ADGRV1: variants seen among roughly 807,000 people sequenced by gnomAD.
ADGRV1 encodes the protein adhesion G protein-coupled receptor V1.
ADGRV1 carries 359 observed loss-of-function variants against 596.2 expected under a neutral mutation model. That is an observed-to-expected ratio of 0.60 (90% CI 0.55 to 0.66). The LOEUF (loss-of-function observed/expected upper bound fraction) is 0.66. Among genes scored for constraint, ADGRV1 ranks in the 30% least tolerant of loss-of-function variants. The pLI, the probability that ADGRV1 is intolerant of heterozygous loss-of-function variation, is 0.00. For synonymous variants in ADGRV1, 2,681 were observed against 2,679.2 expected (o/e 1.00, Z -0.02); for missense variants, 7,274 against 7,575.6 (o/e 0.96, Z 1.48).
chr5:91,025,269 T>C (rs893252199), intron 85 of ADGRV1, among the ~76,000 whole-genome samples: 2 of 151,992 alleles, frequency 1.3e-5, no homozygotes, highest in African/African-American at 4.8e-5. Context: ...ATCACACAAG[T>C]AGTCAAGGGG....
intron 58 of ADGRV1, among the ~76,000 whole-genome samples, chr5:90,760,496 C>G (rs943985593): frequency 6.6e-6 from 1 of 152,180 alleles, no homozygotes; most frequent in Non-Finnish European, 1.5e-5. Flanking sequence ...ATCCATACCA[C>G]CTATTCTCTG....
intron 79 of ADGRV1, among the ~76,000 whole-genome samples, chr5:90,851,358 T>C (rs1766509752): frequency 6.6e-6 from 1 of 152,012 alleles, no homozygotes; most frequent in Admixed American, 6.6e-5. Context: ...AGAATTAATA[T>C]GAAGATGACA....
rs755034152 is a variant in ADGRV1 at position 90,757,091 on chromosome 5, C to T, written c.11870C>T (p.Ala3957Val). Residue 3957 changes from alanine to valine, a missense_variant, in exon 57 of 90, where the codon GCA (alanine) becomes GTA (valine). Transcript: ENST00000405460. ...SFGAVNVYWK[A>V]SPDSAGLEDF... Reference sequence around the variant, plus strand: ...GGGGCAGTAAATGTTTATTGGAAAGCATCACCAGACAGTGCTGGCCTGGAA... The same window carrying T: ...GGGGCAGTAAATGTTTATTGGAAAGTATCACCAGACAGTGCTGGCCTGGAA... The T allele has an allele frequency of 1.2e-6, 2 of 1,613,894 alleles. No individual in the cohort carries two copies. Among genetic ancestry groups the T allele is most frequent in the East Asian group, 2.2e-5 (1 of 44,872 alleles).
intron 86 of ADGRV1, chr5:91,091,846 G>A (rs1273124462): frequency 6.6e-6 from 1 of 151,976 alleles, no homozygotes; most frequent in African/African-American, 2.4e-5. Flanking sequence ...TTAAGGTGTT[G>A]GGTCATGCCC....
intron 78 of ADGRV1, among the ~76,000 whole-genome samples, chr5:90,842,677 C>T (rs1285693217): frequency 3.3e-5 from 5 of 151,858 alleles, no homozygotes; most frequent in Non-Finnish European, 7.4e-5. Context: ...GAGATGGTGC[C>T]ACTGCTCTCC....
At chr5:91,025,268 G>A (rs1783933032) in intron 85 of ADGRV1, among the ~76,000 whole-genome samples, 1 of 151,888 alleles carries the variant, frequency 6.6e-6, no homozygotes, top group Non-Finnish European at 1.5e-5. Flanking sequence ...AATCACACAA[G>A]TAGTCAAGGG....
intron 85 of ADGRV1, among the ~76,000 whole-genome samples, chr5:90,994,243 A>G (rs962696346): frequency 1.3e-5 from 2 of 151,812 alleles, no homozygotes; most frequent in African/African-American, 4.8e-5. Flanking sequence ...TTATATTTTT[A>G]GTAGAGATGG....
intron 52 of ADGRV1, among the ~76,000 whole-genome samples, chr5:90,748,902 A>G (rs570143945): frequency 1.3e-5 from 2 of 151,594 alleles, no homozygotes; most frequent in African/African-American, 2.4e-5. Flanking sequence ...CACCCAGAAA[A>G]GTGCCTGGCA....
At chr5:90,937,679 G>T (rs1216929694) in intron 83 of ADGRV1, among the ~76,000 whole-genome samples, 1 of 152,048 alleles carries the variant, frequency 6.6e-6, no homozygotes, top group African/African-American at 2.4e-5. Context: ...GGTTGGTCTC[G>T]ATCTTCTGAC....
chr5:91,129,464 T>C (rs1830363), intron 87 of ADGRV1, among the ~76,000 whole-genome samples: 3,006 of 152,296 alleles, frequency 0.02, 99 homozygotes, highest in African/African-American at 0.07. Context: ...TCTGCCTTTA[T>C]TTTGGGCGAC....
intron 60 of ADGRV1, among the ~76,000 whole-genome samples, chr5:90,776,173 G>A (rs1313157714): frequency 6.6e-6 from 1 of 152,096 alleles, no homozygotes; most frequent in Non-Finnish European, 1.5e-5. Flanking sequence ...TGGTAGAGGA[G>A]CCCTTGCTTT....
chr5:90,917,485 A>T (rs1056108852), intron 83 of ADGRV1, among the ~76,000 whole-genome samples: 1 of 152,204 alleles, frequency 6.6e-6, no homozygotes, highest in Non-Finnish European at 1.5e-5. Flanking sequence ...ATGTGCTAGC[A>T]GTGGGAATAC....
chr5:90,961,519 G>A (rs1778030527), intron 83 of ADGRV1, among the ~76,000 whole-genome samples: 1 of 142,566 alleles, frequency 7.0e-6, no homozygotes, highest in Admixed American at 6.9e-5. Flanking sequence ...GGGGGGTGGC[G>A]GTCATTTCAA....
At chr5:90,965,355 T>G in intron 83 of ADGRV1, 60 bp from the exon 84 acceptor site, 1 of 1,079,004 alleles carries the variant, frequency 9.3e-7, no homozygotes, top group Non-Finnish European at 1.4e-6. Flanking sequence ...CAGTTTACTT[T>G]CTTAATATTC....
chr5:90,793,490 C>T (rs1760312317), intron 70 of ADGRV1, among the ~76,000 whole-genome samples: 1 of 152,146 alleles, frequency 6.6e-6, no homozygotes, highest in Admixed American at 6.5e-5. Context: ...TATTGTTTTA[C>T]TAAGCAACGT....
chr5:91,071,189 C>T (rs1306485833), intron 85 of ADGRV1, among the ~76,000 whole-genome samples: 2 of 152,118 alleles, frequency 1.3e-5, no homozygotes, highest in African/African-American at 2.4e-5. Context: ...TTGGCCTCCT[C>T]CTATGCAGGA....
chr5:90,753,738 G>C lies in ADGRV1; in HGVS notation c.11286G>C (p.Lys3762Asn), dbSNP rs1341350162. Residue 3762 changes from lysine (K) to asparagine (N), a missense_variant, in exon 54 of 90, where the codon AAG becomes AAC. Transcript: ENST00000405460. ...CTACTATTGATCAGGACAGAAGCAA[G>C]TCTGTTATAACAACTTTGCCCAATG... ...KGATIDQDRS[K>N]SVITTLPNDS... The C allele has an allele frequency of 1.9e-6, 3 of 1,613,528 alleles. No homozygotes were observed. Among genetic ancestry groups the C allele is most frequent in the African/African-American group, 1.3e-5 (1 of 75,030 alleles).
At chr5:90,631,396 G>C (rs981888573) in intron 9 of ADGRV1, among the ~76,000 whole-genome samples, 3 of 152,080 alleles carry the variant, frequency 2.0e-5, no homozygotes, top group African/African-American at 7.2e-5. Flanking sequence ...TCTTGTCCAA[G>C]GGGCTTAGTG....
intron 83 of ADGRV1, among the ~76,000 whole-genome samples, chr5:90,892,929 A>G (rs4279369): frequency 0.095 from 14,517 of 152,254 alleles, 987 homozygotes; most frequent in African/African-American, 0.19. Context: ...TCTGGCCAAG[A>G]TGGAGTAACA....
Sources: gnomAD v4.1 joint callset for allele counts (sites outside exome capture counted in the v4.1 genomes callset) on GRCh38, gnomAD v4.1.1 for gene constraint, MANE v1.5 for transcripts, NCBI Gene and HGNC (gene_info 2026-07-23, HGNC 2026-07-21) for gene names.